The following SDC4 variants were observed in gnomAD, a reference collection of about 807,000 sequenced individuals.
The protein encoded by SDC4 is syndecan-4.
A neutral mutation model predicts 20.5 loss-of-function variants in SDC4; 17 were observed. The ratio of observed to expected loss-of-function variants is 0.83; its 90% CI spans 0.57 to 1.25. The LOEUF (loss-of-function observed/expected upper bound fraction) is 1.25. Ranked by LOEUF, SDC4 falls within the 50% of genes most tolerant of loss-of-function variation. The probability of loss-of-function intolerance (pLI) is 0.00; values close to 1 mark genes in which losing one functional copy is unlikely to be tolerated. For synonymous variants in SDC4, 107 were observed against 105.3 expected (o/e 1.02, Z -0.10); for missense variants, 241 against 252.3 (o/e 0.96, Z 0.30).
chr20:45,327,460 C>A, intron 4 of SDC4, 45 bp from the exon 5 acceptor site: 1 of 1,592,660 alleles, frequency 6.3e-7, no homozygotes, highest in South Asian at 1.1e-5. Context: ...AGCTCCTCAT[C>A]AGGACCTAAG....
Position 45,330,528 on chromosome 20 carries a change from A to T in SDC4, c.283T>A (p.Ser95Thr). ...GGTTCGGTGGGGACTTGGCTCCCAG[A>T]CCCTGCCCTCTCAGGGATATGGTTA... ...LDNHIPERAG[S>T]GSQVPTEPKK... is the part of the protein sequence containing the mutation. Residue 95 changes from serine (S) to threonine (T), a missense_variant, in exon 4 of 5, where the codon TCT becomes ACT. Transcript: ENST00000372733. 6.2e-7 allele frequency: 1 copy of T among 1,613,968 alleles called. No individual in the cohort carries two copies. Among genetic ancestry groups the T allele is most frequent in the East Asian group, 2.2e-5 (1 of 44,868 alleles).
chr20:45,331,034 T>G (rs897993217), intron 3 of SDC4, among the ~76,000 whole-genome samples: 1 of 152,228 alleles, frequency 6.6e-6, no homozygotes, highest in Non-Finnish European at 1.5e-5. Flanking sequence ...TTGCTTTCAC[T>G]TTACTCTATG....
At chr20:45,334,730 G>A (rs2741474) in intron 2 of SDC4, among the ~76,000 whole-genome samples, 1 of 151,864 alleles carries the variant, frequency 6.6e-6, no homozygotes, top group South Asian at 2.1e-4. Flanking sequence ...CTCGTGATCT[G>A]CCTGCCTTGG....
At chr20:45,335,941 A>G (rs1435703043) in intron 1 of SDC4, 21 bp from the exon 2 acceptor site, 2 of 1,604,464 alleles carry the variant, frequency 1.2e-6, no homozygotes, top group Admixed American at 1.7e-5. Flanking sequence ...GAAAGGAGAC[A>G]CATCAGCCAA....
At chr20:45,333,632 G>A (rs1223601533) in intron 2 of SDC4, among the ~76,000 whole-genome samples, 2 of 152,162 alleles carry the variant, frequency 1.3e-5, no homozygotes, top group African/African-American at 4.8e-5. Flanking sequence ...TGGTACCACC[G>A]CACTCCAGCC....
At chr20:45,346,903 A>G (rs976003106) in intron 1 of SDC4, among the ~76,000 whole-genome samples, 1 of 152,184 alleles carries the variant, frequency 6.6e-6, no homozygotes, top group South Asian at 2.1e-4. Context: ...TAAAGCAGAA[A>G]CTTGAAAGCC....
intron 4 of SDC4, among the ~76,000 whole-genome samples, chr20:45,327,953 C>G (rs183914465): frequency 2.0e-5 from 3 of 152,334 alleles, no homozygotes; most frequent in Admixed American, 2.0e-4. Flanking sequence ...TATTTTAACC[C>G]ACATCTGCCT....
chr20:45,337,887 G>A (rs79771697), intron 1 of SDC4, among the ~76,000 whole-genome samples: 7,381 of 152,302 alleles, frequency 0.048, 571 homozygotes, highest in African/African-American at 0.17. Flanking sequence ...GGGGTGGAAA[G>A]CCAGAGAGGT....
At chr20:45,342,378 G>A (rs938009877) in intron 1 of SDC4, among the ~76,000 whole-genome samples, 5 of 152,224 alleles carry the variant, frequency 3.3e-5, no homozygotes, top group African/African-American at 1.2e-4. Context: ...CCAGCCATGT[G>A]CCACATCTGC....
intron 1 of SDC4, among the ~76,000 whole-genome samples, chr20:45,338,485 C>G (rs1398173181): frequency 6.6e-6 from 1 of 152,142 alleles, no homozygotes; most frequent in Non-Finnish European, 1.5e-5. Flanking sequence ...GCTGAGAGAC[C>G]TTTTCCCACC....
At chr20:45,336,220 C>T (rs1374756388) in intron 1 of SDC4, among the ~76,000 whole-genome samples, 1 of 152,146 alleles carries the variant, frequency 6.6e-6, no homozygotes, top group East Asian at 1.9e-4. Flanking sequence ...CAAGACCAGC[C>T]TGGCCAACAT....
At chr20:45,337,553 G>A (rs997622820) in intron 1 of SDC4, among the ~76,000 whole-genome samples, 5 of 152,162 alleles carry the variant, frequency 3.3e-5, no homozygotes, top group African/African-American at 1.2e-4. Flanking sequence ...TCTCTGTTTC[G>A]GACACCCCAG....
intron 2 of SDC4, 55 bp downstream of exon 2, chr20:45,335,727 A>G: frequency 6.3e-7 from 1 of 1,576,230 alleles, no homozygotes; most frequent in South Asian, 1.1e-5. Context: ...CTGGCTGGTG[A>G]AGCCACCACT....
At chr20:45,338,587 C>T (rs1466216380) in intron 1 of SDC4, among the ~76,000 whole-genome samples, 7 of 152,160 alleles carry the variant, frequency 4.6e-5, no homozygotes, top group African/African-American at 9.7e-5. Context: ...CAAAACAACC[C>T]ATGGGATTAG....
At chr20:45,345,735 C>T (rs1988022753) in intron 1 of SDC4, 1 of 152,260 alleles carries the variant, frequency 6.6e-6, no homozygotes, top group African/African-American at 2.4e-5. Flanking sequence ...GTGGAGGGGA[C>T]TCCCAAAACA....
intron 1 of SDC4, among the ~76,000 whole-genome samples, chr20:45,342,547 GCC>G (rs1987969020): frequency 6.6e-6 from 1 of 152,114 alleles, no homozygotes; most frequent in Non-Finnish European, 1.5e-5. Flanking sequence ...CTTCTACTGT[GCC>G]AGAGAAAACT....
At chr20:45,345,161 G>A (rs1988012872) in intron 1 of SDC4, 1 of 152,162 alleles carries the variant, frequency 6.6e-6, no homozygotes, top group Non-Finnish European at 1.5e-5. Flanking sequence ...CATTTCCTGA[G>A]TACAAACTAG....
chr20:45,342,801 A>C (rs892814172), intron 1 of SDC4, among the ~76,000 whole-genome samples: 5 of 152,160 alleles, frequency 3.3e-5, no homozygotes, highest in African/African-American at 1.2e-4. Context: ...AAAAGGATAA[A>C]AAGGTCTAAA....
At chr20:45,345,300 C>A (rs373402451) in intron 1 of SDC4, 4 of 152,122 alleles carry the variant, frequency 2.6e-5, no homozygotes, top group African/African-American at 9.7e-5. Context: ...AAGAGAGAGA[C>A]CTCTTTTGAA....
Sources: allele counts gnomAD v4.1 joint callset (sites outside exome capture counted in the v4.1 genomes callset), GRCh38; gene constraint gnomAD v4.1.1; transcripts MANE v1.5; gene names NCBI Gene and HGNC (gene_info 2026-07-23, HGNC 2026-07-21).